ATRNL1: variants seen among roughly 807,000 people sequenced by gnomAD.
The protein encoded by ATRNL1 is attractin-like protein 1.
In ATRNL1, 95 loss-of-function variants were observed where a neutral mutation model predicts 182.7. The observed-to-expected ratio is 0.52, with a 90% CI of 0.44 to 0.62. ATRNL1 has a LOEUF of 0.62. Ranked by LOEUF, ATRNL1 falls within the 20% of genes least tolerant of loss-of-function variation. ATRNL1 has a pLI of 0.00. For missense variants in ATRNL1, 1,471 were observed against 1,679.5 expected, an observed-to-expected ratio of 0.88 and a Z score of 2.17; for synonymous variants, 576 against 568.3, an observed-to-expected ratio of 1.01 and a Z score of -0.19.
At chr10:115,647,956 T>G (rs1455237920) in intron 26 of ATRNL1, among the ~76,000 whole-genome samples, 2 of 152,196 alleles carry the variant, frequency 1.3e-5, no homozygotes, top group African/African-American at 4.8e-5. Context: ...TTAATCCATC[T>G]TGAATTAATT....
intron 26 of ATRNL1, among the ~76,000 whole-genome samples, chr10:115,717,841 A>G (rs1435673001): frequency 6.6e-6 from 1 of 151,998 alleles, no homozygotes; most frequent in Non-Finnish European, 1.5e-5. Flanking sequence ...GGCGTGAGCC[A>G]CCTCACCCGG....
chr10:115,554,883 A>G (rs1554996622), intron 26 of ATRNL1, among the ~76,000 whole-genome samples: 1 of 151,694 alleles, frequency 6.6e-6, no homozygotes, highest in Non-Finnish European at 1.5e-5. Context: ...ATATGCTATT[A>G]TCTTTATATT....
chr10:115,431,401 T>TAAA (rs3981285), intron 21 of ATRNL1, among the ~76,000 whole-genome samples: 3 of 110,832 alleles, frequency 2.7e-5, no homozygotes, highest in African/African-American at 6.1e-5. Flanking sequence ...AGAGTGAAAC[T>TAAA]AAAAAAAAAA....
At chr10:115,894,092 A>G (rs1234775469) in intron 28 of ATRNL1, among the ~76,000 whole-genome samples, 2 of 152,208 alleles carry the variant, frequency 1.3e-5, no homozygotes, top group Non-Finnish European at 2.9e-5. Context: ...TGGGCCACAT[A>G]TAAAGCCAGG....
intron 26 of ATRNL1, among the ~76,000 whole-genome samples, chr10:115,559,624 CA>C (rs1333520870): frequency 6.6e-6 from 1 of 152,054 alleles, no homozygotes; most frequent in Non-Finnish European, 1.5e-5. Flanking sequence ...TACCATTCAC[CA>C]ATAAAAGGAG....
At chr10:115,262,655 A>G (rs573631142) in intron 10 of ATRNL1, among the ~76,000 whole-genome samples, 1 of 152,154 alleles carries the variant, frequency 6.6e-6, no homozygotes, top group East Asian at 1.9e-4. Context: ...AAGGATTAGT[A>G]TCCAGAATAT....
chr10:115,293,023 A>G (rs1432438716), intron 15 of ATRNL1, among the ~76,000 whole-genome samples: 1 of 152,082 alleles, frequency 6.6e-6, no homozygotes, highest in Non-Finnish European at 1.5e-5. Flanking sequence ...TTCCTTATGT[A>G]TCTAAGTGCT....
chr10:115,469,122 T>A (rs574937611), intron 23 of ATRNL1, 50 bp from the exon 24 acceptor site: 1 of 714,480 alleles, frequency 1.4e-6, no homozygotes, highest in South Asian at 6.0e-5. Flanking sequence ...CATTTTTAAA[T>A]TCATAAAGAT....
chr10:115,477,652 A>G (rs1848593801), intron 24 of ATRNL1, among the ~76,000 whole-genome samples: 1 of 151,632 alleles, frequency 6.6e-6, no homozygotes. Flanking sequence ...ATCTGAAGAA[A>G]TAATTCTTTG....
chr10:115,283,562 A>T (rs1852471175), intron 14 of ATRNL1, among the ~76,000 whole-genome samples: 1 of 152,216 alleles, frequency 6.6e-6, no homozygotes, highest in African/African-American at 2.4e-5. Flanking sequence ...ATAATGCAGT[A>T]GGCAGGGTTT....
intron 26 of ATRNL1, among the ~76,000 whole-genome samples, chr10:115,651,105 C>T (rs1223177959): frequency 6.6e-6 from 1 of 152,144 alleles, no homozygotes; most frequent in Non-Finnish European, 1.5e-5. Context: ...AGCCCTTATT[C>T]AGCTATTGGC....
intron 27 of ATRNL1, among the ~76,000 whole-genome samples, chr10:115,807,374 TA>T (rs1464049897): frequency 6.6e-6 from 1 of 152,116 alleles, no homozygotes; most frequent in East Asian, 1.9e-4. Flanking sequence ...CCTCAGCCCC[TA>T]AAGTGCTGGG....
At chr10:115,178,821 G>T (rs1225084963) in intron 8 of ATRNL1, among the ~76,000 whole-genome samples, 1 of 152,136 alleles carries the variant, frequency 6.6e-6, no homozygotes, top group Non-Finnish European at 1.5e-5. Flanking sequence ...CACCAAAGCT[G>T]CCAGCACCTT....
intron 10 of ATRNL1, among the ~76,000 whole-genome samples, chr10:115,252,493 C>T (rs1218789765): frequency 1.3e-5 from 2 of 152,154 alleles, no homozygotes; most frequent in Admixed American, 1.3e-4. Context: ...TGGAGAGTAG[C>T]CTCTACATTG....
chr10:115,500,832 C>T (rs111634245), intron 24 of ATRNL1, among the ~76,000 whole-genome samples: 76 of 151,690 alleles, frequency 5.0e-4, no homozygotes, highest in African/African-American at 1.6e-3. Flanking sequence ...TGAACCACCA[C>T]GCCTGGCCCA....
At chr10:115,223,513 AG>A (rs1375970875) in intron 9 of ATRNL1, among the ~76,000 whole-genome samples, 1 of 152,152 alleles carries the variant, frequency 6.6e-6, no homozygotes, top group Non-Finnish European at 1.5e-5. Context: ...CAAACACAAG[AG>A]ACAAAACATA....
Position 115,120,218 on chromosome 10 carries a change from C to T in ATRNL1, c.327C>T (p.Gly109=). 1 of 1,576,006 alleles carries T rather than the reference C, an allele frequency of 6.3e-7. No homozygotes were observed. Among genetic ancestry groups the T allele is most frequent in the Non-Finnish European group, 8.7e-7 (1 of 1,148,598 alleles). ...AACCTTCTGGATATTTAACAGATGGCCCAATTAACTATAAATATAAAACTA... is the reference window on the plus strand; with the variant it reads ...AACCTTCTGGATATTTAACAGATGGTCCAATTAACTATAAATATAAAACTA... ...LTEPSGYLTD[G]PINYKYKTKC... The change falls in exon 2 of 29, where the codon GGC becomes GGT. Residue 109 remains glycine (G), a synonymous_variant. Coordinates refer to ENST00000355044, the MANE Select transcript of ATRNL1 (RefSeq NM_207303.4).
chr10:115,872,698 T>C (rs189793683), intron 28 of ATRNL1, among the ~76,000 whole-genome samples: 329 of 152,324 alleles, frequency 2.2e-3, no homozygotes, highest in African/African-American at 7.6e-3. Context: ...AGAAAACTAA[T>C]TGAAATAAAG....
intron 8 of ATRNL1, among the ~76,000 whole-genome samples, chr10:115,184,596 G>A (rs1233439636): frequency 6.6e-6 from 1 of 151,762 alleles, no homozygotes; most frequent in African/African-American, 2.4e-5. Flanking sequence ...AGGGGTGGTA[G>A]AGAATGGTAT....
Sources: allele counts gnomAD v4.1 joint callset (sites outside exome capture counted in the v4.1 genomes callset), GRCh38; gene constraint gnomAD v4.1.1; transcripts MANE v1.5; gene names NCBI Gene and HGNC (gene_info 2026-07-23, HGNC 2026-07-21).